The following EXOSC1 variants were observed in gnomAD, a reference collection of about 807,000 sequenced individuals.
EXOSC1 encodes the protein exosome complex component CSL4.
In EXOSC1, 27 loss-of-function variants were observed where a neutral mutation model predicts 31.4. That is an observed-to-expected ratio of 0.86 (90% CI 0.63 to 1.18). EXOSC1 has a LOEUF of 1.18. Ranked by LOEUF, EXOSC1 falls within the 50% of genes most tolerant of loss-of-function variation. EXOSC1 has a pLI of 0.00. For missense variants in EXOSC1, 228 were observed against 250.3 expected, an observed-to-expected ratio of 0.91 and a Z score of 0.60; for synonymous variants, 84 against 89.5, an observed-to-expected ratio of 0.94 and a Z score of 0.35.
chr10:97,440,963 T>G, intron 4 of EXOSC1: 1 of 434,556 alleles, frequency 2.3e-6, no homozygotes, highest in Admixed American at 4.0e-5. Context: ...TTGCTTTACT[T>G]TTAAACCCTC....
rs750106196 is a variant in EXOSC1, at chr10:97,436,258, A to G, written c.*187T>C. 7.7e-6 allele frequency: 4 copies of G among 520,504 alleles called. No individual in the cohort carries two copies. The highest frequency in any genetic ancestry group is 1.4e-5 in the Non-Finnish European group (4 of 294,470). 32.2% of individuals were successfully genotyped at this position (520,504 alleles called of 1,614,324 possible). On this transcript the variant is annotated 3_prime_UTR_variant, in exon 8 of 8. Coordinates refer to ENST00000370902, the MANE Select transcript of EXOSC1 (RefSeq NM_016046.5). The stretch of plus-strand genomic sequence containing the variant: ...TTTGTTGGTGCCTTGAAAAGATAAG[A>G]TTTATTACTCAAGAGAATGAAATCC...
intron 2 of EXOSC1, 81 bp downstream of exon 2, chr10:97,445,651 G>A (rs1845934600): frequency 1.5e-6 from 2 of 1,302,694 alleles, no homozygotes; most frequent in Non-Finnish European, 2.2e-6. Context: ...AGACGCGTCC[G>A]CAGTGCCCAT....
rs1246280309 is a variant in EXOSC1, at chr10:97,436,470, A to T, written c.563T>A (p.Val188Glu). The change falls in exon 8 of 8, where the codon GTA becomes GAA. Residue 188 changes from valine (V) to glutamate (E), a missense_variant. Coordinates refer to ENST00000370902, the MANE Select transcript of EXOSC1 (RefSeq NM_016046.5). ...HTKEFRKVAR[V>E]QPEFLQT ...TTAGGTCTGCAAGAATTCGGGTTGT[A>T]CTCGGGCTACTTTCCGGAATTCTTT... 1 of 1,613,136 alleles carries T rather than the reference A, an allele frequency of 6.2e-7. No homozygotes were observed. The highest frequency in any genetic ancestry group is 8.5e-7 in the Non-Finnish European group (1 of 1,179,622).
chr10:97,437,611 G>A (rs1304485243), intron 6 of EXOSC1, 89 bp downstream of exon 6: 67 of 1,275,178 alleles, frequency 5.3e-5, no homozygotes, highest in Non-Finnish European at 5.7e-6. Context: ...GCCTCCGAAA[G>A]TGCTGGGATT....
chr10:97,436,311 A>C lies in EXOSC1; in HGVS notation c.*134T>G. The stretch of plus-strand genomic sequence containing the variant: ...TGATAGGTTCACAGAAACATGTTCC[A>C]TCTACAGCGTAAACTGGAAGATTTT... On this transcript the variant is annotated 3_prime_UTR_variant, in exon 8 of 8. Coordinates refer to ENST00000370902, the MANE Select transcript of EXOSC1 (RefSeq NM_016046.5). 1 of 686,928 alleles carries C rather than the reference A, an allele frequency of 1.5e-6. No homozygotes were observed. The highest frequency in any genetic ancestry group is 2.6e-6 in the Non-Finnish European group (1 of 382,782). 42.6% of individuals were successfully genotyped at this position (686,928 alleles called of 1,614,324 possible).
At chr10:97,444,863 G>C (rs1249368082) in intron 2 of EXOSC1, 1 of 152,132 alleles carries the variant, frequency 6.6e-6, no homozygotes, top group African/African-American at 2.4e-5. Flanking sequence ...GCTAATCCTG[G>C]ATCTATCTCT....
intron 2 of EXOSC1, 59 bp from the exon 3 acceptor site, chr10:97,443,370 T>C: frequency 1.4e-6 from 2 of 1,467,212 alleles, no homozygotes; most frequent in Non-Finnish European, 9.5e-7. Context: ...TCAAGGCATT[T>C]GTGGCTTGAG....
chr10:97,438,597 G>A, intron 5 of EXOSC1, 73 bp downstream of exon 5: 3 of 1,403,298 alleles, frequency 2.1e-6, no homozygotes, highest in Non-Finnish European at 2.0e-6. Context: ...GTGTGACCAT[G>A]CCTGGCCTGA....
At chr10:97,438,094 T>C (rs959584182) in intron 5 of EXOSC1, among the ~76,000 whole-genome samples, 1 of 152,044 alleles carries the variant, frequency 6.6e-6, no homozygotes, top group African/African-American at 2.4e-5. Context: ...AGTTTTTATA[T>C]TTTTAGTAGA....
intron 4 of EXOSC1, 198 bp downstream of exon 4, chr10:97,440,973 C>G: frequency 2.2e-6 from 1 of 457,836 alleles, no homozygotes; most frequent in Middle Eastern, 5.9e-4. Flanking sequence ...TTTAAACCCT[C>G]TCGTTAATAT....
At chr10:97,441,352 A>G (rs1346774210) in intron 3 of EXOSC1, 93 bp from the exon 4 acceptor site, 1 of 946,012 alleles carries the variant, frequency 1.1e-6, no homozygotes, top group African/African-American at 1.6e-5. Flanking sequence ...GCTTCAGTGC[A>G]AGCAACCCTA....
chr10:97,441,165 T>G lies in EXOSC1; in HGVS notation c.311+6A>C, dbSNP rs1247438665. 1 of 1,612,244 alleles carries G rather than the reference T, an allele frequency of 6.2e-7. No individual in the cohort carries two copies. The highest frequency in any genetic ancestry group is 8.5e-7 in the Non-Finnish European group (1 of 1,178,334). On this transcript the variant is annotated splice_donor_region_variant and intron_variant, in intron 4 of 7. Transcript: ENST00000370902. ...CTAAGGTATATGTGAAAAGGATACT[T>G]CTTACCGGATAGTTCCTCGAAAAGA... is the stretch of plus-strand genomic sequence containing the variant.
intron 4 of EXOSC1, among the ~76,000 whole-genome samples, chr10:97,440,062 TC>T (rs1845667920): frequency 1.3e-5 from 2 of 148,668 alleles, no homozygotes; most frequent in Admixed American, 1.4e-4. Flanking sequence ...AAGCTCCGCC[TC>T]CCAGGTTCAA....
In EXOSC1 at chr10:97,436,130, G is replaced by C. The variant is rs1480959810; in HGVS notation, c.*315C>G. The C allele has an allele frequency of 3.4e-6, 1 of 297,576 alleles. No homozygotes were observed. The highest frequency in any genetic ancestry group is 3.0e-5 in the South Asian group (1 of 33,454). The allele number at this position is 297,576 out of a possible 1,614,324, so 18.4% of individuals were successfully genotyped here. A position where few individuals can be genotyped will look rare whatever the true frequency, so the allele number is the denominator to read the frequency against. ...ATGTCTTTCTCTGCTTAAGACAACA[G>C]ACTCTATAACATCCTTTTAGTAAAA... On this transcript the variant is annotated 3_prime_UTR_variant, in exon 8 of 8. Coordinates refer to ENST00000370902, the MANE Select transcript of EXOSC1 (RefSeq NM_016046.5).
At position 97,441,220 on chromosome 10, in the gene EXOSC1, G is replaced by C; in HGVS notation, c.262C>G (p.Leu88Val). The C allele has an allele frequency of 6.2e-7, 1 of 1,614,118 alleles. No homozygotes were observed. Among genetic ancestry groups the C allele is most frequent in the Non-Finnish European group, 8.5e-7 (1 of 1,180,004 alleles). The change falls in exon 4 of 8, where the codon CTG (leucine) becomes GTG (valine). Residue 88 changes from leucine to valine, a missense_variant. Coordinates refer to ENST00000370902, the MANE Select transcript of EXOSC1 (RefSeq NM_016046.5). Reference sequence around the variant, plus strand: ...TTAAGAGGCATGGACCCCACATACAGGATGTGTACTTTGGCAAAGCGTGAA... The same window carrying C: ...TTAAGAGGCATGGACCCCACATACACGATGTGTACTTTGGCAAAGCGTGAA... Reference protein sequence around the residue: ...INSRFAKVHILYVGSMPLKNS... With the variant: ...INSRFAKVHIVYVGSMPLKNS...
At position 97,436,403 on chromosome 10, in the gene EXOSC1, C is replaced by T. The variant is rs1845536057; in HGVS notation, c.*42G>A. ...GACAGCAGCATCTTGGTGTTATACT[C>T]AGGAACAGCTTACCCCCTTCCATAG... On this transcript the variant is annotated 3_prime_UTR_variant, in exon 8 of 8. Transcript: ENST00000370902. 7.0e-7 allele frequency: 1 copy of T among 1,435,572 alleles called. No individual in the cohort carries two copies. The highest frequency in any genetic ancestry group is 2.3e-5 in the East Asian group (1 of 43,744). The allele number at this position is 1,435,572 out of a possible 1,614,324, so 88.9% of individuals were successfully genotyped here.
chr10:97,441,344 T>G, intron 3 of EXOSC1, 85 bp from the exon 4 acceptor site: 1 of 1,095,068 alleles, frequency 9.1e-7, no homozygotes, highest in Non-Finnish European at 1.4e-6. Flanking sequence ...TTACTAGGGC[T>G]TCAGTGCAAG....
At chr10:97,442,360 T>C (rs1481510402) in intron 3 of EXOSC1, among the ~76,000 whole-genome samples, 1 of 152,166 alleles carries the variant, frequency 6.6e-6, no homozygotes, top group East Asian at 1.9e-4. Context: ...ATGCCTGAAC[T>C]TGGCTGCCTT....
In EXOSC1 at chr10:97,437,259, G is replaced by C. The variant is rs758057645; in HGVS notation, c.413C>G (p.Ala138Gly). The C allele has an allele frequency of 6.2e-7, 1 of 1,614,002 alleles. No homozygotes were observed. The highest frequency in any genetic ancestry group is 1.1e-5 in the South Asian group (1 of 91,080). ...GGTGGTTAGCAGGTAGTTGGACTGT[G>C]CATCACCTAAGGAGATCTAGTCACA... Reference protein sequence around the residue: ...VLAKVISLGDAQSNYLLTTAE... With the variant: ...VLAKVISLGDGQSNYLLTTAE... The change falls in exon 7 of 8, where the codon GCA becomes GGA. Residue 138 changes from alanine (A) to glycine (G), a missense_variant. Physicochemically the swap from Ala to Gly is moderately conservative, Grantham distance 60. Transcript: ENST00000370902.
Sources: gnomAD v4.1 joint callset for allele counts (sites outside exome capture counted in the v4.1 genomes callset) on GRCh38, gnomAD v4.1.1 for gene constraint, MANE v1.5 for transcripts, NCBI Gene and HGNC (gene_info 2026-07-23, HGNC 2026-07-21) for gene names.